SHLD2: variants seen among roughly 807,000 people sequenced by gnomAD.
The protein encoded by SHLD2 is shieldin complex subunit 2, also known as RINN1-REV7-interacting novel NHEJ regulator 2.
SHLD2 carries 30 observed loss-of-function variants against 73.2 expected under a neutral mutation model. The ratio of observed to expected loss-of-function variants is 0.41; its 90% CI spans 0.31 to 0.56. The LOEUF (loss-of-function observed/expected upper bound fraction) is 0.56, where lower values mean the gene tolerates loss of function less well. SHLD2 is among the 20% of genes least tolerant of loss of function. The pLI, the probability that SHLD2 is intolerant of heterozygous loss-of-function variation, is 0.28. For synonymous variants in SHLD2, 285 were observed against 370.1 expected (o/e 0.77, Z 2.64); for missense variants, 745 against 1,055.9 (o/e 0.71, Z 4.08).
intron 2 of SHLD2, among the ~76,000 whole-genome samples, chr10:87,112,739 A>G (rs1320856525): frequency 6.6e-6 from 1 of 151,580 alleles, no homozygotes; most frequent in Admixed American, 6.6e-5. Context: ...CCCAAAAAAC[A>G]AAACCCCAAC....
At chr10:87,114,049 A>G (rs1197124283) in intron 2 of SHLD2, 1 of 151,938 alleles carries the variant, frequency 6.6e-6, no homozygotes, top group African/African-American at 2.4e-5. Flanking sequence ...GAATTAAATA[A>G]TTAGTAACTT....
Position 87,180,194 on chromosome 10 carries a change from G to T in SHLD2, c.2290G>T (p.Val764Leu). 1 of 1,612,842 alleles carries T rather than the reference G, an allele frequency of 6.2e-7. No homozygotes were observed. Among genetic ancestry groups the T allele is most frequent in the East Asian group, 2.2e-5 (1 of 44,840 alleles). Residue 764 changes from valine (V) to leucine (L), a missense_variant, in exon 8 of 10, where the codon GTA (valine) becomes TTA (leucine). By Grantham distance (32) the Val-to-Leu change is conservative (BLOSUM62 1). Around this residue, in one of 5 missense-constraint regions of SHLD2, gnomAD observed 418 missense variants for 567.8 expected, o/e 0.74. Coordinates refer to ENST00000298786, the MANE Select transcript of SHLD2 (RefSeq NM_001330112.2). Reference protein sequence around the residue: ...KSIFSSLPNIVYTGCAKCGLE... With the variant: ...KSIFSSLPNILYTGCAKCGLE... ...TATTTTTTCTTCTCTTCCCAACATC[G>T]TATATACTGGTTGTGCAAAATGTGG...
At chr10:87,104,820 C>T (rs1314376403) in intron 2 of SHLD2, among the ~76,000 whole-genome samples, 3 of 151,816 alleles carry the variant, frequency 2.0e-5, no homozygotes, top group Non-Finnish European at 4.4e-5. Context: ...GCCACCACGC[C>T]CGCCTAATTT....
intron 2 of SHLD2, among the ~76,000 whole-genome samples, chr10:87,109,383 C>T (rs534185331): frequency 6.6e-6 from 1 of 151,844 alleles, no homozygotes; most frequent in South Asian, 2.1e-4. Flanking sequence ...ACTGCAGCCT[C>T]TGCCTCCTAG....
chr10:87,148,077 C>T (rs2134290113), intron 2 of SHLD2, among the ~76,000 whole-genome samples: 1 of 152,324 alleles, frequency 6.6e-6, no homozygotes, highest in Middle Eastern at 3.4e-3. Context: ...TCTTGAACTC[C>T]TGACCTCAGG....
chr10:87,096,236 G>C (rs949747272), intron 1 of SHLD2, among the ~76,000 whole-genome samples: 2 of 151,964 alleles, frequency 1.3e-5, no homozygotes, highest in African/African-American at 4.8e-5. Flanking sequence ...GTAGAGACGG[G>C]GTTTCGCTGT....
At chr10:87,098,494 CAA>C (rs1842052201) in intron 2 of SHLD2, among the ~76,000 whole-genome samples, 1 of 124,948 alleles carries the variant, frequency 8.0e-6, no homozygotes, top group Non-Finnish European at 1.6e-5. Context: ...GCCTGGGTAA[CAA>C]GAATGAAACT....
At chr10:87,169,061 T>C (rs932857154) in intron 4 of SHLD2, among the ~76,000 whole-genome samples, 12 of 152,350 alleles carry the variant, frequency 7.9e-5, no homozygotes, top group African/African-American at 2.9e-4. Context: ...CAACACAATG[T>C]TTCCATGAGG....
upstream of SHLD2, chr10:87,095,163 T>TCGGGG (rs1282996463): frequency 8.0e-5 from 1 of 12,496 alleles, no homozygotes; most frequent in African/African-American, 4.3e-4. Flanking sequence ...GAGGGGAAGG[T>TCGGGG]CGGGGCGGGT....
chr10:87,185,058 C>G (rs1285507416), intron 8 of SHLD2, among the ~76,000 whole-genome samples: 1 of 152,164 alleles, frequency 6.6e-6, no homozygotes, highest in Admixed American at 6.5e-5. Flanking sequence ...AAGCCTCATA[C>G]TCATTAGCAG....
chr10:87,183,807 A>C (rs1159101270), intron 8 of SHLD2, among the ~76,000 whole-genome samples: 1 of 152,208 alleles, frequency 6.6e-6, no homozygotes, highest in African/African-American at 2.4e-5. Flanking sequence ...TTCTTGAAAC[A>C]GCCTCCTCCT....
chr10:87,104,521 C>T (rs1029667054), intron 2 of SHLD2, among the ~76,000 whole-genome samples: 6 of 136,122 alleles, frequency 4.4e-5, no homozygotes, highest in African/African-American at 1.7e-4. Context: ...GTGACAACAG[C>T]AAGATTCTGT....
intron 2 of SHLD2, among the ~76,000 whole-genome samples, chr10:87,110,763 A>G (rs921765415): frequency 6.6e-5 from 10 of 152,192 alleles, no homozygotes; most frequent in Non-Finnish European, 1.2e-4. Context: ...TTAAATATTC[A>G]TGAACTTGGA....
chr10:87,179,514 G>T (rs981042007), intron 7 of SHLD2, among the ~76,000 whole-genome samples: 1 of 151,546 alleles, frequency 6.6e-6, no homozygotes, highest in African/African-American at 2.4e-5. Flanking sequence ...CCATTCTCCT[G>T]CCTCAGCCTC....
rs1847784502 is a variant in SHLD2 at position 87,174,026 on chromosome 10, G to A, written c.1964-1863G>A. ...GCAAACTGGCAGAACCTTTCTTGAGGATAACTGACAATTAATATGAACAAA... is the reference window on the plus strand; with the variant it reads ...GCAAACTGGCAGAACCTTTCTTGAGAATAACTGACAATTAATATGAACAAA... On this transcript the variant is annotated intron_variant, in intron 6 of 9. Coordinates refer to ENST00000298786, the MANE Select transcript of SHLD2 (RefSeq NM_001330112.2). Among the ~76,000 whole-genome samples, 2 of 152,128 alleles carry A rather than the reference G, an allele frequency of 1.3e-5. 1 individual carries two copies. The highest frequency in any genetic ancestry group is 4.1e-4 in the South Asian group (2 of 4,826).
intron 2 of SHLD2, among the ~76,000 whole-genome samples, chr10:87,116,480 C>G (rs1224486043): frequency 1.3e-5 from 2 of 151,566 alleles, no homozygotes; most frequent in East Asian, 3.9e-4. Flanking sequence ...ACAGTTTCCA[C>G]TGAAGTAGGA....
chr10:87,121,560 A>G (rs1383441889), intron 2 of SHLD2, among the ~76,000 whole-genome samples: 1 of 151,984 alleles, frequency 6.6e-6, no homozygotes, highest in Non-Finnish European at 1.5e-5. Context: ...TATTTCCAAA[A>G]TAAATGTTAT....
intron 2 of SHLD2, among the ~76,000 whole-genome samples, chr10:87,097,885 G>A (rs957470291): frequency 6.6e-6 from 1 of 151,708 alleles, no homozygotes; most frequent in African/African-American, 2.4e-5. Flanking sequence ...TCAGCCTCCC[G>A]AGCAGCTGGG....
chr10:87,094,956 G>A (rs1841700044), upstream of SHLD2: 1 of 263,862 alleles, frequency 3.8e-6, no homozygotes, highest in Non-Finnish European at 6.9e-6. The surrounding 1 kb of genome is among the most constrained non-coding windows in gnomAD (Gnocchi z 6.6). Context: ...GGGACAGGGC[G>A]CCGCCCAGGG....
Sources: gnomAD v4.1 joint callset for allele counts (sites outside exome capture counted in the v4.1 genomes callset) on GRCh38, gnomAD v4.1.1 for gene constraint, gnomAD v4.1.1 regional missense constraint, Gnocchi (gnomAD v3.1) non-coding constraint, MANE v1.5 for transcripts, NCBI Gene and HGNC (gene_info 2026-07-23, HGNC 2026-07-21) for gene names.